The following QTMAN variants were observed in gnomAD, a reference collection of about 807,000 sequenced individuals.
QTMAN encodes tRNA-queuosine alpha-mannosyltransferase.
the QTMAN span, among the ~76,000 whole-genome samples, chr2:144,213,735 C>G: frequency 6.6e-5 from 10 of 152,076 alleles, no homozygotes; most frequent in Non-Finnish European, 1.5e-5. Context: ...TTTGATTTAC[C>G]TATATGCAAT....
At chr2:144,085,833 A>G in the QTMAN span, among the ~76,000 whole-genome samples, 1 of 152,198 alleles carries the variant, frequency 6.6e-6, no homozygotes, top group Non-Finnish European at 1.5e-5. Context: ...TCAGAGAAAA[A>G]TAATTTCAAA....
chr2:143,997,360 G>C, the QTMAN span, among the ~76,000 whole-genome samples: 1 of 151,994 alleles, frequency 6.6e-6, no homozygotes, highest in African/African-American at 2.4e-5. Context: ...ACTGCTATAC[G>C]GCTTTCTGCA....
At chr2:143,955,765 T>C in the QTMAN span, among the ~76,000 whole-genome samples, 4 of 152,230 alleles carry the variant, frequency 2.6e-5, no homozygotes, top group Non-Finnish European at 5.9e-5. Flanking sequence ...TGTTCTAAAC[T>C]AAAACAGAGG....
the QTMAN span, among the ~76,000 whole-genome samples, chr2:144,154,393 G>A: frequency 7.9e-5 from 12 of 152,116 alleles, no homozygotes; most frequent in African/African-American, 1.9e-4. Context: ...AGAAATGTCC[G>A]GCTTGGTTAT....
the QTMAN span, among the ~76,000 whole-genome samples, chr2:144,192,003 T>C: frequency 6.6e-6 from 1 of 152,190 alleles, no homozygotes; most frequent in Non-Finnish European, 1.5e-5. Flanking sequence ...AGTGAGCTTC[T>C]CTGGTAAAAT....
At chr2:144,044,244 A>G in the QTMAN span, among the ~76,000 whole-genome samples, 1 of 152,228 alleles carries the variant, frequency 6.6e-6, no homozygotes, top group Admixed American at 6.5e-5. Flanking sequence ...CTTAAAAAAA[A>G]TACATACATA....
chr2:144,222,704 AG>A, the QTMAN span, among the ~76,000 whole-genome samples: 1 of 152,056 alleles, frequency 6.6e-6, no homozygotes, highest in Non-Finnish European at 1.5e-5. Context: ...GCTGCTCGGG[AG>A]GCTGAGGCAG....
At chr2:144,152,518 T>C in the QTMAN span, among the ~76,000 whole-genome samples, 3 of 152,198 alleles carry the variant, frequency 2.0e-5, no homozygotes, top group East Asian at 1.9e-4. Context: ...GAAAGGAAGA[T>C]ACAAGAAGAG....
the QTMAN span, among the ~76,000 whole-genome samples, chr2:144,170,183 T>C: frequency 6.6e-6 from 1 of 152,200 alleles, no homozygotes; most frequent in African/African-American, 2.4e-5. Context: ...TATTGGCCAG[T>C]GGTGTTACTT....
the QTMAN span, among the ~76,000 whole-genome samples, chr2:144,098,824 G>T: frequency 6.8e-6 from 1 of 147,930 alleles, no homozygotes; most frequent in African/African-American, 2.5e-5. Flanking sequence ...ATGATGAGGA[G>T]AAATTACAAC....
the QTMAN span, among the ~76,000 whole-genome samples, chr2:143,988,976 T>C: frequency 1.3e-5 from 2 of 152,240 alleles, no homozygotes; most frequent in Admixed American, 6.5e-5. Context: ...TTGAAATAAA[T>C]GACTTGTATA....
At chr2:143,987,701 G>T in the QTMAN span, among the ~76,000 whole-genome samples, 15 of 152,282 alleles carry the variant, frequency 9.9e-5, no homozygotes, top group Middle Eastern at 6.8e-3. Context: ...CCAGCAATAA[G>T]GGCAAGGATA....
the QTMAN span, among the ~76,000 whole-genome samples, chr2:144,073,818 C>G: frequency 6.6e-6 from 1 of 152,228 alleles, no homozygotes; most frequent in African/African-American, 2.4e-5. Flanking sequence ...GACAAAAATT[C>G]CACAACTCAG....
the QTMAN span, among the ~76,000 whole-genome samples, chr2:144,239,854 A>G: frequency 5.6e-4 from 86 of 152,274 alleles, no homozygotes; most frequent in African/African-American, 2.0e-3. Context: ...ACACCAAACT[A>G]GTTATCTCCC....
chr2:144,124,495 AT>A, the QTMAN span, among the ~76,000 whole-genome samples: 1 of 152,040 alleles, frequency 6.6e-6, no homozygotes, highest in South Asian at 2.1e-4. Flanking sequence ...CATTTTCCTG[AT>A]TTTATAGGCA....
the QTMAN span, among the ~76,000 whole-genome samples, chr2:144,022,240 T>G: frequency 6.6e-6 from 1 of 152,146 alleles, no homozygotes; most frequent in African/African-American, 2.4e-5. Flanking sequence ...AGACATATGT[T>G]GGATTCTCAT....
chr2:144,287,106 T>C, the QTMAN span, among the ~76,000 whole-genome samples: 2 of 152,190 alleles, frequency 1.3e-5, no homozygotes, highest in African/African-American at 4.8e-5. Flanking sequence ...CAATGTCATA[T>C]TAAAAGTTAG....
At chr2:144,116,073 G>A in the QTMAN span, among the ~76,000 whole-genome samples, 6 of 152,182 alleles carry the variant, frequency 3.9e-5, no homozygotes, top group East Asian at 1.9e-4. Context: ...TGAGTAGTAC[G>A]TTGAATTAGT....
At chr2:144,255,117 T>C in the QTMAN span, among the ~76,000 whole-genome samples, 1 of 152,182 alleles carries the variant, frequency 6.6e-6, no homozygotes, top group South Asian at 2.1e-4. Context: ...GCTAAGACTT[T>C]GGTGGACTGT....
Sources: gnomAD v4.1 joint callset for allele counts (sites outside exome capture counted in the v4.1 genomes callset) on GRCh38, gnomAD v4.1.1 for gene constraint, MANE v1.5 for transcripts, NCBI Gene and HGNC (gene_info 2026-07-23, HGNC 2026-07-21) for gene names.